Variants in PLB1 observed in about 807,000 individuals in gnomAD.
PLB1 encodes phospholipase B1, also known as phospholipase B1, membrane-associated.
PLB1 carries 242 observed loss-of-function variants against 227.4 expected under a neutral mutation model. The ratio of observed to expected loss-of-function variants is 1.06; its 90% CI spans 0.96 to 1.18. The LOEUF is 1.18. Among genes scored for constraint, PLB1 ranks in the 50% most tolerant of loss-of-function variants. The pLI is 0.00. For synonymous variants in PLB1, 757 were observed against 682.2 expected, an observed-to-expected ratio of 1.11 and a Z score of -1.71; for missense variants, 1,858 against 1,816.3, an observed-to-expected ratio of 1.02 and a Z score of -0.42.
chr2:28,597,087 C>G (rs1037523382), intron 33 of PLB1, among the ~76,000 whole-genome samples: 8 of 151,982 alleles, frequency 5.3e-5, no homozygotes, highest in African/African-American at 1.9e-4. Context: ...CACGGTGGAA[C>G]CCCATCTCTA....
chr2:28,558,288 T>C (rs1232719834), intron 17 of PLB1, among the ~76,000 whole-genome samples: 1 of 152,148 alleles, frequency 6.6e-6, no homozygotes, highest in Non-Finnish European at 1.5e-5. Context: ...TTTATCTATC[T>C]CTGCCATATT....
At chr2:28,606,824 G>A (rs190617765) in intron 43 of PLB1, among the ~76,000 whole-genome samples, 2 of 152,248 alleles carry the variant, frequency 1.3e-5, no homozygotes, top group Non-Finnish European at 1.5e-5. Flanking sequence ...AGAGGATCCC[G>A]GTGAGAAAAG....
At chr2:28,630,553 G>C in intron 53 of PLB1, 33 bp from the exon 54 acceptor site, 1 of 1,592,996 alleles carries the variant, frequency 6.3e-7, no homozygotes, top group Non-Finnish European at 8.6e-7. Flanking sequence ...CAGTGCCCCA[G>C]GCAGCCTCAA....
At chr2:28,526,183 T>C (rs11892532) in intron 6 of PLB1, among the ~76,000 whole-genome samples, 3,194 of 152,078 alleles carry the variant, frequency 0.021, 102 homozygotes, top group African/African-American at 0.073. Flanking sequence ...CCAGTGGGCA[T>C]TGGGTTAAGA....
intron 20 of PLB1, among the ~76,000 whole-genome samples, 200 bp downstream of exon 20, chr2:28,567,039 G>A (rs1446269174): frequency 1.3e-5 from 2 of 150,446 alleles, no homozygotes; most frequent in East Asian, 4.0e-4. Context: ...GGGGTGGAAC[G>A]AGGTTCGGGG....
At chr2:28,595,015 A>G (rs934308997) in intron 33 of PLB1, 3 of 152,090 alleles carry the variant, frequency 2.0e-5, no homozygotes, top group African/African-American at 7.2e-5. Context: ...GACGAACCAC[A>G]TTGCAGGTGA....
In PLB1 at chr2:28,579,743, C is replaced by T. The variant is rs760805223; in HGVS notation, c.1566+36C>T. 18 of 1,557,684 alleles carry T rather than the reference C, an allele frequency of 1.2e-5. No individual in the cohort carries two copies. The African/African-American group carries it at 2.3e-4, about 20-fold the overall frequency. ...AGGCACTTTACTCAAGACTCACCCCCAGAGAAGGATTTTCACAGCCCGGTC... is the reference window on the plus strand; with the variant it reads ...AGGCACTTTACTCAAGACTCACCCCTAGAGAAGGATTTTCACAGCCCGGTC... On this transcript the variant is annotated intron_variant, in intron 23 of 57. Coordinates refer to ENST00000327757, the MANE Select transcript of PLB1 (RefSeq NM_153021.5).
chr2:28,506,471 A>G (rs911555492), intron 1 of PLB1, among the ~76,000 whole-genome samples: 3 of 152,116 alleles, frequency 2.0e-5, no homozygotes, highest in Non-Finnish European at 2.9e-5. Context: ...GGGCAAAATG[A>G]GGGGTTAAGG....
chr2:28,566,937 G>A, intron 20 of PLB1, 98 bp downstream of exon 20: 2 of 1,394,316 alleles, frequency 1.4e-6, no homozygotes, highest in South Asian at 1.2e-5. Context: ...AGGAGCCCCG[G>A]CTGCAGGAGC....
At chr2:28,529,462 A>G (rs557539052) in intron 7 of PLB1, 55 bp downstream of exon 7, 17 of 1,414,660 alleles carry the variant, frequency 1.2e-5, no homozygotes, top group South Asian at 2.3e-5. Context: ...GGTCTTCAAC[A>G]TATAGGTGGG....
At chr2:28,562,847 C>T (rs938550873) in intron 17 of PLB1, among the ~76,000 whole-genome samples, 194 bp from the exon 18 acceptor site, 4 of 152,078 alleles carry the variant, frequency 2.6e-5, no homozygotes, top group Admixed American at 2.6e-4. Context: ...GAAGCCAGCA[C>T]TCAGACTCCA....
At chr2:28,616,653 A>C (rs770869722) in intron 44 of PLB1, among the ~76,000 whole-genome samples, 2 of 152,234 alleles carry the variant, frequency 1.3e-5, no homozygotes, top group African/African-American at 2.4e-5. Context: ...TGATGGCTGA[A>C]TAACTTTTTA....
chr2:28,499,033 A>G (rs1158635165), intron 1 of PLB1, among the ~76,000 whole-genome samples: 2 of 152,164 alleles, frequency 1.3e-5, no homozygotes, highest in Middle Eastern at 3.2e-3. Flanking sequence ...AGGCATGGAC[A>G]TATTTTGTTA....
At chr2:28,529,127 T>C (rs1393129998) in intron 6 of PLB1, among the ~76,000 whole-genome samples, 190 bp from the exon 7 acceptor site, 1 of 152,014 alleles carries the variant, frequency 6.6e-6, no homozygotes, top group Admixed American at 6.6e-5. Flanking sequence ...TTTGTTTTCA[T>C]AGAGACAGGG....
chr2:28,515,375 C>T (rs942187200), intron 1 of PLB1, among the ~76,000 whole-genome samples: 4 of 152,192 alleles, frequency 2.6e-5, no homozygotes, highest in Non-Finnish European at 5.9e-5. Flanking sequence ...ACTTCCCTGG[C>T]CTCCAGTTAC....
chr2:28,526,538 T>A (rs543324493), intron 6 of PLB1, among the ~76,000 whole-genome samples: 92 of 152,354 alleles, frequency 6.0e-4, no homozygotes, highest in African/African-American at 1.9e-3. Flanking sequence ...TTAGTTTTTT[T>A]AAAATATAAT....
At chr2:28,583,365 G>A (rs4665427) in intron 25 of PLB1, among the ~76,000 whole-genome samples, 60,033 of 151,670 alleles carry the variant, frequency 0.4, 12,591 homozygotes, top group African/African-American at 0.54. Context: ...TGTATTTTTA[G>A]TAGAGACGGA....
At chr2:28,631,175 G>T (rs1168360526) in intron 54 of PLB1, among the ~76,000 whole-genome samples, 1 of 149,852 alleles carries the variant, frequency 6.7e-6, no homozygotes, top group Non-Finnish European at 1.5e-5. Flanking sequence ...AAGAAAAAAA[G>T]AAAAAGGCTT....
chr2:28,548,970 C>G (rs1476988839), intron 15 of PLB1, 39 bp downstream of exon 15: 2 of 1,599,784 alleles, frequency 1.3e-6, no homozygotes, highest in Non-Finnish European at 1.7e-6. Flanking sequence ...CTTATTGAAT[C>G]GAGGGCGCAG....
Sources: allele counts gnomAD v4.1 joint callset (sites outside exome capture counted in the v4.1 genomes callset), GRCh38; gene constraint gnomAD v4.1.1; transcripts MANE v1.5; gene names NCBI Gene and HGNC (gene_info 2026-07-23, HGNC 2026-07-21).